The following NEK10 variants were observed in gnomAD, a reference collection of about 807,000 sequenced individuals.
The protein encoded by NEK10 is NIMA related kinase 10, also known as serine/threonine-protein kinase Nek10.
In NEK10, 122 loss-of-function variants were observed where a neutral mutation model predicts 159.8. The ratio of observed to expected loss-of-function variants is 0.76; its 90% confidence interval spans 0.66 to 0.89. The LOEUF (loss-of-function observed/expected upper bound fraction) is 0.89, where lower values mean the gene tolerates loss of function less well. NEK10 is among the 40% of genes least tolerant of loss of function. The pLI is 0.00. For synonymous variants in NEK10, 466 were observed against 457.1 expected (o/e 1.02, Z -0.25); for missense variants, 1,342 against 1,323.1 (o/e 1.01, Z -0.22).
At chr3:27,340,660 T>C (rs2047137603) in intron 5 of NEK10, among the ~76,000 whole-genome samples, 1 of 152,122 alleles carries the variant, frequency 6.6e-6, no homozygotes, top group South Asian at 2.1e-4. Flanking sequence ...CAGTGAGATA[T>C]CATCTTACCC....
chr3:27,331,237 C>CAAAAAAAAAAAAAAAAAAAAAAAAA (rs11351970), intron 5 of NEK10, among the ~76,000 whole-genome samples: 7 of 29,584 alleles, frequency 2.4e-4, no homozygotes, highest in Admixed American at 6.6e-4. Flanking sequence ...GACTCTGTCT[C>CAAAAAAAAAAAAAAAAAAAAAAAAA]AAAAAAAAAA....
intron 29 of NEK10, among the ~76,000 whole-genome samples, chr3:27,171,216 C>T (rs775100923): frequency 1.3e-5 from 2 of 152,208 alleles, no homozygotes; most frequent in Non-Finnish European, 2.9e-5. Flanking sequence ...ACTGACACAG[C>T]TAGCTGTCCC....
intron 35 of NEK10, among the ~76,000 whole-genome samples, chr3:27,114,822 T>A (rs79955101): frequency 1.4e-3 from 217 of 152,266 alleles, no homozygotes; most frequent in African/African-American, 5.0e-3. Context: ...GTGGCCCAGA[T>A]AGAGTGTGTG....
At chr3:27,310,240 G>A (rs1266961646) in intron 9 of NEK10, 1 of 150,974 alleles carries the variant, frequency 6.6e-6, no homozygotes, top group African/African-American at 2.4e-5. Flanking sequence ...CACATTTTTT[G>A]CCATATTCAA....
chr3:27,174,427 C>T lies in NEK10; in HGVS notation c.2776+12G>A, dbSNP rs758623274. ...AATCCCACAAACAGCAAATTGATAA[C>T]AGAAAGCTTACTGAATGTAGATTCT... On this transcript the variant is annotated intron_variant, in intron 28 of 35. Transcript: ENST00000691995. The T allele has an allele frequency of 6.2e-6, 10 of 1,607,326 alleles. No individual in the cohort carries two copies. Among genetic ancestry groups the T allele is most frequent in the African/African-American group, 1.3e-5 (1 of 74,396 alleles).
intron 23 of NEK10, chr3:27,215,082 T>A: frequency 1.9e-6 from 1 of 522,464 alleles, no homozygotes; most frequent in South Asian, 2.3e-5. Flanking sequence ...CCCCTGCAAG[T>A]CTCGCGAGCT....
intron 20 of NEK10, 67 bp from the exon 21 acceptor site, chr3:27,285,028 AATG>A (rs2149463067): frequency 7.8e-7 from 1 of 1,274,422 alleles, no homozygotes; most frequent in Non-Finnish European, 1.1e-6. Context: ...AAACTTTACG[AATG>A]AGAGTTCAAG....
intron 26 of NEK10, among the ~76,000 whole-genome samples, chr3:27,177,298 C>T (rs1441961931): frequency 2.0e-5 from 3 of 152,176 alleles, no homozygotes; most frequent in Non-Finnish European, 4.4e-5. Context: ...AATTCCAGCA[C>T]TTTGGGAGGC....
At chr3:27,177,843 C>A (rs1947672708) in intron 26 of NEK10, among the ~76,000 whole-genome samples, 1 of 152,158 alleles carries the variant, frequency 6.6e-6, no homozygotes, top group Admixed American at 6.5e-5. Flanking sequence ...GAAGACACAT[C>A]CAGCAAGTAC....
Position 27,192,189 on chromosome 3 carries a change from A to G in NEK10, c.2345T>C (p.Met782Thr), listed in dbSNP as rs1175238845. 1 of 1,614,208 alleles carries G rather than the reference A, an allele frequency of 6.2e-7. No individual in the cohort carries two copies. The change falls in exon 26 of 36, where the codon ATG (methionine) becomes ACG (threonine). Residue 782 changes from methionine to threonine, a missense_variant. Physicochemically the swap from Met to Thr is moderately conservative, Grantham distance 81. Coordinates refer to ENST00000691995, the MANE Select transcript of NEK10 (RefSeq NM_001394966.1). The part of the protein sequence containing the change: ...ARPDIVEVSS[M>T]ISDVMMKYLD... The stretch of plus-strand genomic sequence containing the variant: ...ATATTTCATCATGACATCTGATATC[A>G]TCGAACTGACTTCTACAATATCTGG...
intron 32 of NEK10, among the ~76,000 whole-genome samples, chr3:27,128,644 T>G (rs994979596): frequency 2.0e-5 from 3 of 152,148 alleles, no homozygotes; most frequent in Non-Finnish European, 4.4e-5. Flanking sequence ...GATTTTTTTT[T>G]TTCTTTTTTG....
chr3:27,154,932 T>C (rs1475916638), intron 30 of NEK10, among the ~76,000 whole-genome samples: 1 of 152,134 alleles, frequency 6.6e-6, no homozygotes, highest in Non-Finnish European at 1.5e-5. Flanking sequence ...AACATAGTAC[T>C]GGAAGTCCTA....
intron 32 of NEK10, among the ~76,000 whole-genome samples, chr3:27,129,401 A>G (rs1329322639): frequency 2.0e-5 from 3 of 152,072 alleles, no homozygotes; most frequent in Non-Finnish European, 4.4e-5. Flanking sequence ...TACTGCTCCT[A>G]TGGCCCTGGT....
chr3:27,233,140 A>T (rs560157671), intron 23 of NEK10, among the ~76,000 whole-genome samples: 3 of 152,256 alleles, frequency 2.0e-5, no homozygotes, highest in South Asian at 2.1e-4. Flanking sequence ...CAAACTATAC[A>T]TCCAACAAAG....
At chr3:27,202,019 C>T (rs1950094994) in intron 24 of NEK10, among the ~76,000 whole-genome samples, 1 of 152,002 alleles carries the variant, frequency 6.6e-6, no homozygotes, top group African/African-American at 2.4e-5. Context: ...GGCATGGTGG[C>T]ACATACCTGT....
At chr3:27,311,174 T>C (rs1020076303) in intron 8 of NEK10, 158 bp from the exon 9 acceptor site, 2 of 490,516 alleles carry the variant, frequency 4.1e-6, no homozygotes, top group African/African-American at 4.0e-5. Context: ...GGCTACTTTT[T>C]TACCCCAAGA....
chr3:27,331,262 A>AAAACACAC, intron 5 of NEK10, among the ~76,000 whole-genome samples: 1 of 110,082 alleles, frequency 9.1e-6, no homozygotes, highest in African/African-American at 2.9e-5. Context: ...AAAAAAAAAA[A>AAAACACAC]ACACACAAAC....
intron 23 of NEK10, among the ~76,000 whole-genome samples, chr3:27,248,687 T>C (rs1334626439): frequency 6.6e-6 from 1 of 152,244 alleles, no homozygotes; most frequent in East Asian, 1.9e-4. Context: ...GTCACTGATT[T>C]CTAGTTTTAT....
intron 4 of NEK10, among the ~76,000 whole-genome samples, chr3:27,344,678 T>C (rs956983677): frequency 9.9e-5 from 15 of 152,176 alleles, no homozygotes; most frequent in African/African-American, 3.6e-4. Flanking sequence ...CTAAAATTGG[T>C]TGGAGGGAAG....
Sources: allele counts gnomAD v4.1 joint callset (sites outside exome capture counted in the v4.1 genomes callset), GRCh38; gene constraint gnomAD v4.1.1; transcripts MANE v1.5; gene names NCBI Gene and HGNC (gene_info 2026-07-23, HGNC 2026-07-21).